Variants in PHF19 observed in about 807,000 individuals in gnomAD.
PHF19 encodes PHD finger protein 19.
PHF19 carries 21 observed loss-of-function variants against 79.8 expected under a neutral mutation model. That is an observed-to-expected ratio of 0.26 (90% CI 0.19 to 0.38). The LOEUF is 0.38. PHF19 is among the 10% of genes least tolerant of loss of function. The pLI is 1.00. For missense variants in PHF19, 445 were observed against 744.2 expected (o/e 0.60, Z 4.68); for synonymous variants, 273 against 296.3 (o/e 0.92, Z 0.81).
chr9:120,903,757 G>A, the PHF19 span: 2 of 152,226 alleles, frequency 1.3e-5, no homozygotes, highest in Non-Finnish European at 2.9e-5. Flanking sequence ...TCTCCTTTGA[G>A]GGTCAGAGAA....
chr9:120,879,341 C>T (rs1345101541), upstream of PHF19, among the ~76,000 whole-genome samples: 10 of 152,120 alleles, frequency 6.6e-5, no homozygotes, highest in Admixed American at 5.9e-4. Context: ...CTGGCAACCT[C>T]GTGGAGGAGG....
At chr9:120,890,273 C>CTTTT (rs10658749) in intron 1 of PHF19, among the ~76,000 whole-genome samples, 1,155 of 115,176 alleles carry the variant, frequency 0.01, 12 homozygotes, top group African/African-American at 0.013. Flanking sequence ...AATGAGCCTG[C>CTTTT]TTTTTTTTTT....
At position 120,869,860 on chromosome 9, in the gene PHF19, G is replaced by A. The variant is rs1247548861; in HGVS notation, c.450C>T (p.Phe150=). ...LTPWFCRRCI[F]ALAVRKGGAL... is the part of the protein sequence containing the mutation. ...GAAGGCTCACCCGCACAGCCAGTGC[G>A]AAGATGCAGCGTCGGCAGAACCAAG... Residue 150 remains phenylalanine (F), a synonymous_variant, in exon 5 of 15, where the codon TTC becomes TTT. Transcript: ENST00000373896. The surrounding 1 kb of genome is among the most constrained non-coding windows in gnomAD (Gnocchi z 5.8). The A allele has an allele frequency of 1.9e-6, 3 of 1,612,258 alleles. No individual in the cohort carries two copies. The highest frequency in any genetic ancestry group is 2.5e-6 in the Non-Finnish European group (3 of 1,179,342).
At position 120,870,549 on chromosome 9, in the gene PHF19, G is replaced by A. The variant is rs753346829; in HGVS notation, c.269-11C>T. On this transcript the variant is annotated splice_polypyrimidine_tract_variant and intron_variant, in intron 3 of 14. Transcript: ENST00000373896. The surrounding 1 kb of genome is among the most constrained non-coding windows in gnomAD (Gnocchi z 4.4). ...CTCCTGGAACACCGGCTGAAAGAGA[G>A]GGCCTCGAGGGTCGGGTCCAGCTCA... 1.9e-5 allele frequency: 29 copies of A among 1,533,104 alleles called. No homozygotes were observed. The highest frequency in any genetic ancestry group is 2.5e-5 in the Non-Finnish European group (28 of 1,106,078). The allele number at this position is 1,533,104 out of a possible 1,614,324, so 95.0% of individuals were successfully genotyped here.
intron 1 of PHF19, among the ~76,000 whole-genome samples, chr9:120,884,683 G>A (rs1447219378): frequency 6.6e-6 from 1 of 151,688 alleles, no homozygotes; most frequent in Non-Finnish European, 1.5e-5. Context: ...TGAGGTGGGC[G>A]GATCACCAGA....
At chr9:120,890,834 A>C in intron 1 of PHF19, among the ~76,000 whole-genome samples, 1 of 149,548 alleles carries the variant, frequency 6.7e-6, no homozygotes. Flanking sequence ...TTGCTTTAAA[A>C]CTCTCCAGAG....
chr9:120,887,209 C>A (rs1314537823), intron 1 of PHF19, among the ~76,000 whole-genome samples: 1 of 152,084 alleles, frequency 6.6e-6, no homozygotes, highest in Non-Finnish European at 1.5e-5. Context: ...AATCCCAGCT[C>A]TTTGGGAGGC....
rs1249495200 is a variant in PHF19, at chr9:120,866,906, G to A, written c.674C>T (p.Thr225Ile). 2 of 1,611,938 alleles carry A rather than the reference G, an allele frequency of 1.2e-6. No individual in the cohort carries two copies. The highest frequency in any genetic ancestry group is 8.5e-7 in the Non-Finnish European group (1 of 1,178,026). Residue 225 changes from threonine (T) to isoleucine (I), a missense_variant, in exon 7 of 15, where the codon ACC becomes ATC. Thr to Ile is a moderately conservative substitution (Grantham distance 89, BLOSUM62 -1). Coordinates refer to ENST00000373896, the MANE Select transcript of PHF19 (RefSeq NM_015651.3). The surrounding 1 kb of genome is among the most constrained non-coding windows in gnomAD (Gnocchi z 5.2). ...RCRQWFHEAC[T>I]QCLNEPMMFG... ...CATCATGGGCTCATTGAGGCACTGG[G>A]TGCAGGCCTCGTGGAACCACTGCCT...
intron 1 of PHF19, chr9:120,876,331 GC>G (rs2046050417): frequency 6.6e-6 from 1 of 152,222 alleles, no homozygotes; most frequent in Non-Finnish European, 1.5e-5. Context: ...CCGGCCAGGG[GC>G]CAGGCCGGGG....
chr9:120,889,787 AGAAGAAAG>A (rs2131596023), intron 1 of PHF19, among the ~76,000 whole-genome samples: 1 of 126,954 alleles, frequency 7.9e-6, no homozygotes, highest in African/African-American at 3.2e-5. Context: ...GAAAAGAGAA[AGAAGAAAG>A]GAAGAAAGAA....
upstream of PHF19, among the ~76,000 whole-genome samples, chr9:120,897,978 C>CAA (rs577932181): frequency 1.1e-4 from 11 of 99,608 alleles, no homozygotes; most frequent in African/African-American, 2.4e-4. Context: ...GACCCCGTCT[C>CAA]AAAAAAAAAA....
intron 1 of PHF19, among the ~76,000 whole-genome samples, chr9:120,887,683 C>CCCTGAATGA (rs1421298238): frequency 6.6e-6 from 1 of 150,672 alleles, no homozygotes; most frequent in Non-Finnish European, 1.5e-5. Context: ...CACAGATGGT[C>CCCTGAATGA]CCTGAATGAT....
At chr9:120,897,319 G>A (rs528069445), upstream of PHF19, among the ~76,000 whole-genome samples, 4 of 152,362 alleles carry the variant, frequency 2.6e-5, no homozygotes, top group African/African-American at 9.6e-5. Flanking sequence ...TGGCCCAGAG[G>A]CAGATGGGAG....
At chr9:120,865,437 G>C (rs2045670296) in intron 9 of PHF19, among the ~76,000 whole-genome samples, 1 of 152,218 alleles carries the variant, frequency 6.6e-6, no homozygotes, top group African/African-American at 2.4e-5. Flanking sequence ...CAGGAAATCT[G>C]GAGTGGGTCA....
chr9:120,874,714 T>C lies in PHF19; in HGVS notation c.28A>G (p.Thr10Ala), dbSNP rs758603214. 1.9e-6 allele frequency: 3 copies of C among 1,613,632 alleles called. No individual in the cohort carries two copies. The highest frequency in any genetic ancestry group is 2.5e-6 in the Non-Finnish European group (3 of 1,179,680). The part of the protein sequence containing the change: MENRALDPG[T>A]RDSYGATSHL... ...CTGGTGGCACCATAGGAGTCCCGAG[T>C]CCCTGGATCCAGAGCTCGATTCTCC... Residue 10 changes from threonine (T) to alanine (A), a missense_variant, in exon 2 of 15, where the codon ACT (threonine) becomes GCT (alanine). Thr to Ala is a moderately conservative substitution (Grantham distance 58). This residue lies in a region of PHF19 where 50 missense variants were observed against 54.8 expected (regional missense o/e 0.91). Transcript: ENST00000373896. The surrounding 1 kb of genome is among the most constrained non-coding windows in gnomAD (Gnocchi z 4.5).
At chr9:120,902,172 T>G in the PHF19 span, among the ~76,000 whole-genome samples, 1 of 152,146 alleles carries the variant, frequency 6.6e-6, no homozygotes, top group Non-Finnish European at 1.5e-5. Flanking sequence ...CCTCACCCTG[T>G]ACATTAGAAC....
intron 1 of PHF19, 114 bp downstream of exon 1, chr9:120,876,977 T>C (rs1465243603): frequency 2.1e-6 from 2 of 955,450 alleles, no homozygotes; most frequent in Non-Finnish European, 2.5e-6. Flanking sequence ...CGCAGGAGTC[T>C]CACCCCCCGG....
intron 1 of PHF19, among the ~76,000 whole-genome samples, chr9:120,883,128 A>G (rs2046212281): frequency 6.6e-6 from 1 of 152,188 alleles, no homozygotes; most frequent in Non-Finnish European, 1.5e-5. Context: ...GGCCTTGGTT[A>G]GCTGCCAAAC....
rs759906132 is a variant in PHF19 at position 120,869,846 on chromosome 9, C to T, written c.464G>A (p.Arg155Gln). The stretch of plus-strand genomic sequence containing the variant: ...GACTGGGGAGGATGGAAGGCTCACC[C>T]GCACAGCCAGTGCGAAGATGCAGCG... ...CRRCIFALAV[R>Q]KGGALKKGAI... Residue 155 changes from arginine to glutamine, a missense_variant and splice_region_variant, in exon 5 of 15, where the codon CGG becomes CAG. By Grantham distance (43) the Arg-to-Gln change is conservative (BLOSUM62 1). Around this residue, in one of 5 missense-constraint regions of PHF19, gnomAD observed 167 missense variants for 375.8 expected, o/e 0.44. Transcript: ENST00000373896. This position sits in a 1 kb window ranked among gnomAD's most constrained non-coding sequence, Gnocchi z 5.8. 2.5e-6 allele frequency: 4 copies of T among 1,612,580 alleles called. No homozygotes were observed. Among genetic ancestry groups the T allele is most frequent in the East Asian group, 2.2e-5 (1 of 44,820 alleles).
Sources: gnomAD v4.1 joint callset for allele counts (sites outside exome capture counted in the v4.1 genomes callset) on GRCh38, gnomAD v4.1.1 for gene constraint, gnomAD v4.1.1 regional missense constraint, Gnocchi (gnomAD v3.1) non-coding constraint, MANE v1.5 for transcripts, NCBI Gene and HGNC (gene_info 2026-07-23, HGNC 2026-07-21) for gene names.